Variants in TNS1 observed in about 807,000 individuals in gnomAD.
TNS1 encodes tensin-1.
In TNS1, 62 loss-of-function variants were observed where a neutral mutation model predicts 168.6. The observed-to-expected ratio is 0.37, with a 90% CI of 0.30 to 0.45. The LOEUF (loss-of-function observed/expected upper bound fraction) is 0.45. Among genes scored for constraint, TNS1 ranks in the 20% least tolerant of loss-of-function variants. The pLI is 1.00. For missense variants in TNS1, 2,240 were observed against 2,339.4 expected, an observed-to-expected ratio of 0.96 and a Z score of 0.88; for synonymous variants, 934 against 933.2, an observed-to-expected ratio of 1.00 and a Z score of -0.02.
chr2:218,022,015 C>T (rs1365648345), intron 1 of TNS1, among the ~76,000 whole-genome samples: 1 of 151,866 alleles, frequency 6.6e-6, no homozygotes, highest in African/African-American at 2.4e-5. Flanking sequence ...GCTGAAATAC[C>T]GGGAGGGCAG....
chr2:218,001,136 G>C (rs1323515002), intron 1 of TNS1, among the ~76,000 whole-genome samples: 1 of 151,690 alleles, frequency 6.6e-6, no homozygotes, highest in Non-Finnish European at 1.5e-5. Flanking sequence ...CTGGGTGACA[G>C]AGTGAGACTC....
At chr2:217,810,974 C>T (rs1328663186) in intron 28 of TNS1, among the ~76,000 whole-genome samples, 4 of 151,788 alleles carry the variant, frequency 2.6e-5, no homozygotes, top group Non-Finnish European at 5.9e-5. Context: ...AACTCCCATG[C>T]TCTAGCAGAT....
intron 4 of TNS1, among the ~76,000 whole-genome samples, chr2:217,914,769 C>CCA (rs1954818343): frequency 6.6e-6 from 1 of 152,214 alleles, no homozygotes; most frequent in Non-Finnish European, 1.5e-5. Context: ...TAGGCGTGAG[C>CCA]CACCGCATCC....
chr2:217,935,183 G>C (rs746485183), intron 3 of TNS1, among the ~76,000 whole-genome samples: 8 of 152,206 alleles, frequency 5.3e-5, no homozygotes, highest in Non-Finnish European at 1.2e-4. Flanking sequence ...GGTGAGGAGG[G>C]GGAGGAAGGA....
intron 1 of TNS1, among the ~76,000 whole-genome samples, chr2:218,000,872 C>T (rs985097260): frequency 3.3e-5 from 5 of 152,150 alleles, no homozygotes; most frequent in Non-Finnish European, 5.9e-5. Context: ...ACACTCAAGG[C>T]CAGGCGCAGT....
upstream of TNS1, among the ~76,000 whole-genome samples, chr2:218,006,989 C>A (rs1446621735): frequency 1.3e-5 from 2 of 152,108 alleles, no homozygotes; most frequent in African/African-American, 4.8e-5. Flanking sequence ...AGCAGAGATC[C>A]AGTCTCTCAG....
chr2:218,007,178 C>T (rs989796700), upstream of TNS1, among the ~76,000 whole-genome samples: 2 of 152,122 alleles, frequency 1.3e-5, no homozygotes, highest in Non-Finnish European at 2.9e-5. Flanking sequence ...CAGCACGAGA[C>T]CCAGGAATCT....
intron 4 of TNS1, among the ~76,000 whole-genome samples, chr2:217,916,734 A>G (rs1048478700): frequency 6.6e-6 from 1 of 152,174 alleles, no homozygotes; most frequent in Admixed American, 6.5e-5. Flanking sequence ...TGGGAAATGT[A>G]TTTGGCTGGC....
rs984551996 is a variant in TNS1, at chr2:217,995,311, G to A, written c.34-4255C>T. ...ATGCTAGAGGAGAAAGTCTACGGTC[G>A]GTGAGCCTCCTATCCTCAAATATAT... On this transcript the variant is annotated intron_variant, in intron 1 of 32. Transcript: ENST00000682258. The surrounding 1 kb of genome is among the most constrained non-coding windows in gnomAD (Gnocchi z 4.1). 2.6e-5 allele frequency among the ~76,000 whole-genome samples: 4 copies of A among 152,126 alleles called. No homozygotes were observed. Among genetic ancestry groups the A allele is most frequent in the African/African-American group, 7.2e-5 (3 of 41,424 alleles).
At chr2:217,942,394 A>G (rs559685468) in intron 3 of TNS1, among the ~76,000 whole-genome samples, 118 of 152,216 alleles carry the variant, frequency 7.8e-4, no homozygotes, top group Non-Finnish European at 1.4e-3. Context: ...TGCTGATCCC[A>G]TTCGGGTCTC....
chr2:217,829,586 A>C (rs190133817), intron 22 of TNS1, among the ~76,000 whole-genome samples: 1 of 152,156 alleles, frequency 6.6e-6, no homozygotes. Context: ...TTTGGTCAAC[A>C]AGGTGACACT....
At position 217,893,155 on chromosome 2, in the gene TNS1, C is replaced by G. The variant is rs1951906746; in HGVS notation, c.718-143G>C. ...GGGAGAACATAAGGAGGAAGGGGGC[C>G]TCAGGGGAGGGAGGCAGGTGGGGAC... On this transcript the variant is annotated intron_variant, in intron 10 of 32. Coordinates refer to ENST00000682258, the MANE Select transcript of TNS1 (RefSeq NM_001387777.1). 3.6e-6 allele frequency: 4 copies of G among 1,114,170 alleles called. No individual in the cohort carries two copies. The Admixed American group carries it at 7.4e-5, about 21-fold the overall frequency. The allele number at this position is 1,114,170 out of a possible 1,614,324, so 69.0% of individuals were successfully genotyped here.
In TNS1 at chr2:217,840,708, C is replaced by T. The variant is rs572936293; in HGVS notation, c.3008-4497G>A. Among the ~76,000 whole-genome samples, 4 of 152,386 alleles carry T rather than the reference C, an allele frequency of 2.6e-5. No individual in the cohort carries two copies. The East Asian group carries it at 7.7e-4, about 29-fold the overall frequency. ...CTGGTGGCCCCATGCAAAGCTCAGCCTGGCTCCTGCCGAGACCTAGCCCTG... is the reference window on the plus strand; with the variant it reads ...CTGGTGGCCCCATGCAAAGCTCAGCTTGGCTCCTGCCGAGACCTAGCCCTG... On this transcript the variant is annotated intron_variant, in intron 19 of 32. Coordinates refer to ENST00000682258, the MANE Select transcript of TNS1 (RefSeq NM_001387777.1).
intron 3 of TNS1, among the ~76,000 whole-genome samples, chr2:217,932,153 G>A (rs1369486258): frequency 1.3e-5 from 2 of 152,166 alleles, no homozygotes; most frequent in East Asian, 3.8e-4. Context: ...AGCAGATTCA[G>A]CTCCATGAGA....
At chr2:217,811,777 A>T (rs550614005) in intron 28 of TNS1, among the ~76,000 whole-genome samples, 2 of 152,244 alleles carry the variant, frequency 1.3e-5, no homozygotes, top group African/African-American at 4.8e-5. Context: ...CTGCCGTCTC[A>T]CTCAAATTCT....
At chr2:217,859,761 T>TTCCCAAACACCCAGA in intron 18 of TNS1, 1 of 1,340,738 alleles carries the variant, frequency 7.5e-7, no homozygotes, top group South Asian at 1.3e-5. Flanking sequence ...CTCACCCTCG[T>TTCCCAAACACCCAGA]TCCCAACCAC....
intron 18 of TNS1, among the ~76,000 whole-genome samples, chr2:217,865,041 G>A (rs1033971143): frequency 1.3e-5 from 2 of 152,164 alleles, no homozygotes; most frequent in Admixed American, 6.5e-5. Context: ...CCATGCATGA[G>A]AGGTGGCTAT....
chr2:217,956,747 A>G (rs1037515341), intron 3 of TNS1, among the ~76,000 whole-genome samples: 1 of 152,126 alleles, frequency 6.6e-6, no homozygotes, highest in Non-Finnish European at 1.5e-5. Context: ...CACTTCTCCA[A>G]TGAGAAAACT....
chr2:218,022,755 G>A (rs1559413924), intron 1 of TNS1, among the ~76,000 whole-genome samples: 1 of 150,132 alleles, frequency 6.7e-6, no homozygotes, highest in Non-Finnish European at 1.5e-5. Context: ...CAGCTAAAGG[G>A]CTTAGGGGGA....
Sources: gnomAD v4.1 joint callset for allele counts (sites outside exome capture counted in the v4.1 genomes callset) on GRCh38, gnomAD v4.1.1 for gene constraint, Gnocchi (gnomAD v3.1) non-coding constraint, MANE v1.5 for transcripts, NCBI Gene and HGNC (gene_info 2026-07-23, HGNC 2026-07-21) for gene names.